The following PUDP variants were observed in gnomAD, a reference collection of about 807,000 sequenced individuals.
PUDP encodes the protein pseudouridine-5'-phosphatase.
Under a neutral mutation model 9.4 loss-of-function variants are expected in PUDP, and 8 were observed. The observed-to-expected ratio is 0.85, with a 90% CI of 0.50 to 1.53. The LOEUF is 1.53. Ranked by LOEUF, PUDP falls within the 40% of genes most tolerant of loss-of-function variation. PUDP has a pLI of 0.00. For synonymous variants in PUDP, 99 were observed against 80.7 expected (o/e 1.23, Z -1.22); for missense variants, 188 against 189.7 (o/e 0.99, Z 0.05).
intron 3 of PUDP, among the ~76,000 whole-genome samples, chrX:7,053,815 G>C (rs762625647): frequency 9.0e-6 from 1 of 111,729 alleles, no homozygotes; most frequent in African/African-American, 3.3e-5. Context: ...AGGCAACTAA[G>C]TGAGGGCTGT....
chrX:6,871,877 A>G (rs1309080250), intron 3 of PUDP, among the ~76,000 whole-genome samples: 1 of 111,507 alleles, frequency 9.0e-6, no homozygotes, highest in Non-Finnish European at 1.9e-5. Context: ...AAAACCATGA[A>G]CTGATAGCTT....
At chrX:6,761,251 G>A (rs183322612) in intron 3 of PUDP, among the ~76,000 whole-genome samples, 8 of 111,560 alleles carry the variant, frequency 7.2e-5, no homozygotes, top group East Asian at 2.8e-4. Context: ...CTCTCCCCAC[G>A]TGGCATAAAA....
intron 1 of PUDP, among the ~76,000 whole-genome samples, chrX:6,988,332 A>G (rs979301720): frequency 1.8e-5 from 2 of 111,410 alleles, no homozygotes; most frequent in African/African-American, 3.3e-5. Flanking sequence ...GACCAAACCA[A>G]TGGTCAGGCT....
chrX:7,016,162 C>T (rs955378354), intron 1 of PUDP, among the ~76,000 whole-genome samples: 1 of 107,951 alleles, frequency 9.3e-6, no homozygotes, highest in Admixed American at 1.0e-4. Flanking sequence ...AAGACTCCAT[C>T]TCTGCAAAAA....
intron 3 of PUDP, among the ~76,000 whole-genome samples, chrX:6,749,289 TA>T (rs1055662023): frequency 3.6e-5 from 4 of 111,760 alleles, no homozygotes; most frequent in Non-Finnish European, 7.5e-5. Context: ...CAACACCAGT[TA>T]ATTTTGGTGC....
chrX:7,076,856 T>C (rs1417759014), intron 3 of PUDP, among the ~76,000 whole-genome samples: 1 of 112,260 alleles, frequency 8.9e-6, no homozygotes, highest in East Asian at 2.8e-4. Flanking sequence ...CAGTGAATAC[T>C]CACCTTAAAG....
chrX:7,065,758 A>C (rs1168143929), intron 3 of PUDP, among the ~76,000 whole-genome samples: 3 of 111,905 alleles, frequency 2.7e-5, no homozygotes, highest in Non-Finnish European at 3.8e-5. Context: ...AACACTTTTA[A>C]AAAGCGGATT....
chrX:6,835,873 C>CTT (rs11422118), intron 3 of PUDP, among the ~76,000 whole-genome samples: 24,968 of 100,454 alleles, frequency 0.25, 2,682 homozygotes, highest in African/African-American at 0.34. Context: ...CTGCCACTGG[C>CTT]TTTTTTTTTT....
intron 3 of PUDP, among the ~76,000 whole-genome samples, chrX:6,780,640 G>A (rs979537762): frequency 2.5e-4 from 28 of 111,511 alleles, no homozygotes; most frequent in African/African-American, 8.1e-4. Context: ...GCTTTAAGGC[G>A]TGTAGCAGCA....
chrX:7,008,681 A>G (rs1929436655), intron 1 of PUDP, among the ~76,000 whole-genome samples: 1 of 112,130 alleles, frequency 8.9e-6, no homozygotes, highest in African/African-American at 3.2e-5. Flanking sequence ...ACCATAACCC[A>G]TGCTTTAAAA....
intron 3 of PUDP, among the ~76,000 whole-genome samples, chrX:6,874,641 T>C (rs973699494): frequency 1.1e-4 from 12 of 112,520 alleles, no homozygotes; most frequent in Admixed American, 8.5e-4. Context: ...TTGATCCATC[T>C]AGATGCCAAT....
chrX:6,970,908 G>A (rs1928863885), intron 3 of PUDP, among the ~76,000 whole-genome samples: 2 of 110,227 alleles, frequency 1.8e-5, no homozygotes, highest in Admixed American at 1.9e-4. Context: ...AAAATTCACT[G>A]GGCGTGGTAG....
At chrX:6,803,792 T>C (rs768920660) in intron 3 of PUDP, among the ~76,000 whole-genome samples, 79 of 112,135 alleles carry the variant, frequency 7.0e-4, no homozygotes, top group South Asian at 1.5e-3. Context: ...AACTCACGGA[T>C]TAACAGTCTG....
In PUDP at chrX:7,116,582, A is replaced by G. The variant is rs1234342613; in HGVS notation, c.62-10744T>C. Among the ~76,000 whole-genome samples, 6 of 111,719 alleles carry G rather than the reference A, an allele frequency of 5.4e-5. No individual in the cohort carries two copies. The Admixed American group carries it at 5.7e-4, about 11-fold the overall frequency. On this transcript the variant is annotated intron_variant, in intron 1 of 3. Transcript: ENST00000381077. ...TTCTATATTCCACAGGCACTCCTGC[A>G]TCCCTTACCACATGCCCTTGCCCAG...
chrX:6,752,608 G>C (rs1210160421), intron 3 of PUDP, among the ~76,000 whole-genome samples: 1 of 111,644 alleles, frequency 9.0e-6, no homozygotes, highest in East Asian at 2.8e-4. Context: ...GTACAGGAAG[G>C]AGTTTATAGA....
chrX:6,764,197 A>G (rs576394704), intron 3 of PUDP, among the ~76,000 whole-genome samples: 5 of 111,560 alleles, frequency 4.5e-5, no homozygotes, highest in Admixed American at 1.9e-4. Flanking sequence ...AAGTCGACAG[A>G]GAATCAGATT....
chrX:6,739,177 A>G (rs1457469473), intron 3 of PUDP, among the ~76,000 whole-genome samples: 2 of 111,623 alleles, frequency 1.8e-5, no homozygotes, highest in Non-Finnish European at 3.8e-5. Flanking sequence ...GCGGTTGAAC[A>G]CCAATGTCTG....
chrX:6,832,009 ACT>A (rs1345340646), intron 3 of PUDP, among the ~76,000 whole-genome samples: 1 of 111,889 alleles, frequency 8.9e-6, no homozygotes, highest in Non-Finnish European at 1.9e-5. Flanking sequence ...ACAGACAAAG[ACT>A]CTCAAAATGT....
chrX:7,121,462 T>A (rs1025843098), intron 1 of PUDP, among the ~76,000 whole-genome samples: 15 of 111,812 alleles, frequency 1.3e-4, no homozygotes, highest in Non-Finnish European at 2.6e-4. Flanking sequence ...ATTCCTTCCC[T>A]GGAGCTTCAG....
Sources: allele counts gnomAD v4.1 joint callset (sites outside exome capture counted in the v4.1 genomes callset), GRCh38; gene constraint gnomAD v4.1.1; transcripts MANE v1.5; gene names NCBI Gene and HGNC (gene_info 2026-07-23, HGNC 2026-07-21).